TTC7A: variants seen among roughly 807,000 people sequenced by gnomAD.
TTC7A encodes the protein tetratricopeptide repeat domain 7A, also known as tetratricopeptide repeat protein 7A.
In TTC7A, 110 loss-of-function variants were observed where a neutral mutation model predicts 103.7. That is an observed-to-expected ratio of 1.06 (90% CI 0.91 to 1.24). TTC7A has a LOEUF of 1.24. TTC7A is among the 50% of genes most tolerant of loss of function. The pLI is 0.00. For synonymous variants in TTC7A, 521 were observed against 467.9 expected, an observed-to-expected ratio of 1.11 and a Z score of -1.47; for missense variants, 1,340 against 1,116.3, an observed-to-expected ratio of 1.20 and a Z score of -2.86.
intron 2 of TTC7A, among the ~76,000 whole-genome samples, chr2:46,925,689 C>A (rs1208851105): frequency 6.6e-6 from 1 of 151,988 alleles, no homozygotes; most frequent in Non-Finnish European, 1.5e-5. Context: ...CCACCTCCCC[C>A]AAAAAAACCC....
At chr2:47,070,600 G>C (rs765507173) in intron 19 of TTC7A, among the ~76,000 whole-genome samples, 1 of 152,186 alleles carries the variant, frequency 6.6e-6, no homozygotes, top group Non-Finnish European at 1.5e-5. Flanking sequence ...ACCTTGAGGC[G>C]GTTGTGTGGT....
intron 1 of TTC7A, among the ~76,000 whole-genome samples, chr2:46,942,112 T>A (rs1670477349): frequency 6.6e-6 from 1 of 152,110 alleles, no homozygotes; most frequent in Admixed American, 6.5e-5. Flanking sequence ...TGTCCATAGT[T>A]CTCGCAAGTG....
At chr2:46,922,519 T>C (rs12621059) in intron 2 of TTC7A, among the ~76,000 whole-genome samples, 32,795 of 150,350 alleles carry the variant, frequency 0.22, 4,104 homozygotes, top group Non-Finnish European at 0.27. Flanking sequence ...AGTGTAATTA[T>C]AAATGCTCAG....
chr2:47,069,401 C>G (rs561362038), intron 19 of TTC7A, among the ~76,000 whole-genome samples: 82 of 152,272 alleles, frequency 5.4e-4, no homozygotes, highest in Admixed American at 1.2e-3. Flanking sequence ...GAGAAAGGGA[C>G]AGGTACTCAC....
At chr2:46,957,796 G>A (rs186300371) in intron 3 of TTC7A, among the ~76,000 whole-genome samples, 72 of 152,348 alleles carry the variant, frequency 4.7e-4, no homozygotes, top group African/African-American at 1.7e-3. Flanking sequence ...CCAGCCTGCT[G>A]TCCGGAATCT....
intron 15 of TTC7A, chr2:47,035,450 C>G (rs1239172772): frequency 2.0e-5 from 3 of 152,234 alleles, no homozygotes; most frequent in Non-Finnish European, 4.4e-5. Flanking sequence ...GTCAGTTCCT[C>G]ATTAGCTAAG....
intron 2 of TTC7A, among the ~76,000 whole-genome samples, chr2:46,925,904 T>C (rs1558475956): frequency 6.6e-6 from 1 of 152,240 alleles, no homozygotes; most frequent in Non-Finnish European, 1.5e-5. Flanking sequence ...CCTTGAGTTC[T>C]TAGATACACT....
At chr2:46,972,608 T>G (rs552281590) in intron 3 of TTC7A, among the ~76,000 whole-genome samples, 43 of 152,316 alleles carry the variant, frequency 2.8e-4, no homozygotes, top group Admixed American at 2.7e-3. Context: ...TTGCCATGGC[T>G]GTCATGATCA....
At chr2:46,980,756 G>A (rs1399867735) in intron 5 of TTC7A, among the ~76,000 whole-genome samples, 1 of 152,202 alleles carries the variant, frequency 6.6e-6, no homozygotes. Flanking sequence ...ACAAATAGCA[G>A]GTTCCCAGGT....
At chr2:47,061,599 G>T (rs1324714380) in intron 19 of TTC7A, among the ~76,000 whole-genome samples, 1 of 152,188 alleles carries the variant, frequency 6.6e-6, no homozygotes, top group Non-Finnish European at 1.5e-5. Context: ...CTCAGAGGCT[G>T]GGGAGCAGGA....
chr2:47,019,373 T>A (rs910091822), intron 11 of TTC7A, among the ~76,000 whole-genome samples: 3 of 151,730 alleles, frequency 2.0e-5, no homozygotes, highest in Admixed American at 6.6e-5. Context: ...TTTTCTATTT[T>A]TAAAAAAAAA....
chr2:46,995,905 C>T (rs960861958), intron 8 of TTC7A, among the ~76,000 whole-genome samples: 5 of 152,210 alleles, frequency 3.3e-5, no homozygotes, highest in Admixed American at 6.5e-5. Flanking sequence ...GATGTCCACG[C>T]GTGAATGCTA....
chr2:46,967,822 T>C (rs1048259893), intron 3 of TTC7A, among the ~76,000 whole-genome samples: 1 of 152,104 alleles, frequency 6.6e-6, no homozygotes, highest in African/African-American at 2.4e-5. Context: ...TTTTTAAATG[T>C]TCTAATTTTA....
chr2:46,988,333 C>T (rs1415676430), intron 5 of TTC7A, among the ~76,000 whole-genome samples: 2 of 152,194 alleles, frequency 1.3e-5, no homozygotes, highest in Non-Finnish European at 2.9e-5. Flanking sequence ...GGATTTGGGT[C>T]TGCGACAGGG....
At chr2:46,976,666 T>G (rs139196388) in intron 4 of TTC7A, among the ~76,000 whole-genome samples, 6 of 152,220 alleles carry the variant, frequency 3.9e-5, no homozygotes, top group African/African-American at 1.4e-4. Context: ...TTCTTTGTTG[T>G]TGGTGAGGGC....
chr2:47,044,854 A>AG (rs1352244093), intron 15 of TTC7A, among the ~76,000 whole-genome samples: 1 of 152,224 alleles, frequency 6.6e-6, no homozygotes, highest in Non-Finnish European at 1.5e-5. Flanking sequence ...GCAGAGAGTA[A>AG]GGACATCAGA....
At chr2:47,070,145 C>T (rs1486186076) in intron 19 of TTC7A, among the ~76,000 whole-genome samples, 1 of 152,238 alleles carries the variant, frequency 6.6e-6, no homozygotes, top group Admixed American at 6.5e-5. Context: ...AGGCACTGAA[C>T]TTATGGGCTG....
At chr2:46,944,352 A>G (rs1047734250) in intron 1 of TTC7A, among the ~76,000 whole-genome samples, 6 of 150,880 alleles carry the variant, frequency 4.0e-5, no homozygotes, top group Non-Finnish European at 8.8e-5. Context: ...GTACTTATTA[A>G]ATAAGAACTC....
chr2:46,999,720 G>A, intron 8 of TTC7A: 1 of 985,460 alleles, frequency 1.0e-6, no homozygotes, highest in Non-Finnish European at 1.2e-6. Context: ...GACAGCTGGG[G>A]AACTAGGAGA....
Sources: allele counts gnomAD v4.1 joint callset (sites outside exome capture counted in the v4.1 genomes callset), GRCh38; gene constraint gnomAD v4.1.1; transcripts MANE v1.5; gene names NCBI Gene and HGNC (gene_info 2026-07-23, HGNC 2026-07-21).